NPNT: variants seen among roughly 807,000 people sequenced by gnomAD.
NPNT encodes nephronectin, also known as preosteoblast EGF-like repeat protein with MAM domain.
In NPNT, 45 loss-of-function variants were observed where a neutral mutation model predicts 68.6. The ratio of observed to expected loss-of-function variants is 0.66; its 90% CI spans 0.52 to 0.84. The LOEUF is 0.84. Among genes scored for constraint, NPNT ranks in the 40% least tolerant of loss-of-function variants. The pLI is 0.00. For missense variants in NPNT, 672 were observed against 714.8 expected (o/e 0.94, Z 0.68); for synonymous variants, 233 against 253.3 (o/e 0.92, Z 0.76).
At chr4:105,897,223 A>G (rs1346315262) in intron 1 of NPNT, among the ~76,000 whole-genome samples, 1 of 152,242 alleles carries the variant, frequency 6.6e-6, no homozygotes, top group African/African-American at 2.4e-5. Flanking sequence ...GGCATTATTT[A>G]CATTAGAGAG....
chr4:105,934,404 C>G (rs566717914), intron 3 of NPNT, among the ~76,000 whole-genome samples: 1 of 152,280 alleles, frequency 6.6e-6, no homozygotes, highest in South Asian at 2.1e-4. Flanking sequence ...TCTTTTGAAG[C>G]TCTGTACTTT....
chr4:105,934,337 ACT>A (rs1259258229), intron 3 of NPNT, among the ~76,000 whole-genome samples: 1 of 152,222 alleles, frequency 6.6e-6, no homozygotes, highest in Non-Finnish European at 1.5e-5. Context: ...AAGACAAGAA[ACT>A]CTTAAGAAAA....
intron 10 of NPNT, among the ~76,000 whole-genome samples, chr4:105,966,267 A>G (rs1257582544): frequency 6.6e-6 from 1 of 152,190 alleles, no homozygotes; most frequent in Non-Finnish European, 1.5e-5. Context: ...TCAAGTTTCA[A>G]AATACTACTT....
At chr4:105,923,940 G>A (rs1728471637) in intron 2 of NPNT, among the ~76,000 whole-genome samples, 1 of 151,964 alleles carries the variant, frequency 6.6e-6, no homozygotes, top group African/African-American at 2.4e-5. Context: ...TGTGATCTGT[G>A]TCAGCCTTTC....
At chr4:105,924,944 A>T (rs560954898) in intron 2 of NPNT, among the ~76,000 whole-genome samples, 22 of 152,196 alleles carry the variant, frequency 1.4e-4, no homozygotes, top group African/African-American at 5.3e-4. Context: ...TCAATATGGC[A>T]TTCTGTGTGC....
rs934147437 is a variant in NPNT, at chr4:105,940,067, G to A, written c.506-8G>A. The A allele has an allele frequency of 2.5e-6, 4 of 1,612,408 alleles. No homozygotes were observed. The Admixed American group carries it at 5.0e-5, about 20-fold the overall frequency. ...TCTTCCTAAAATGCTATTGACTTAT[G>A]TTTCTAGATGTTGATGAATGTGCTA... On this transcript the variant is annotated splice_polypyrimidine_tract_variant and splice_region_variant and intron_variant, in intron 5 of 11. Coordinates refer to ENST00000379987, the MANE Select transcript of NPNT (RefSeq NM_001033047.3).
At chr4:105,918,647 C>A (rs1166211870) in intron 2 of NPNT, among the ~76,000 whole-genome samples, 1 of 152,134 alleles carries the variant, frequency 6.6e-6, no homozygotes, top group Non-Finnish European at 1.5e-5. Flanking sequence ...GTTATCAGGA[C>A]ATCTCTGCTT....
At chr4:105,937,562 A>T (rs180693005) in intron 4 of NPNT, among the ~76,000 whole-genome samples, 64 of 151,368 alleles carry the variant, frequency 4.2e-4, no homozygotes, top group Non-Finnish European at 8.0e-4. Context: ...CTTCATTTTT[A>T]TATTTCATTA....
intron 8 of NPNT, among the ~76,000 whole-genome samples, chr4:105,950,791 C>G (rs1730767283): frequency 6.6e-6 from 1 of 152,106 alleles, no homozygotes; most frequent in South Asian, 2.1e-4. Flanking sequence ...CCCTGCAACA[C>G]ATGGTTATTT....
At chr4:105,924,351 A>T (rs11730037) in intron 2 of NPNT, among the ~76,000 whole-genome samples, 1 of 152,334 alleles carries the variant, frequency 6.6e-6, no homozygotes, top group South Asian at 2.1e-4. Flanking sequence ...TGCCAGCAAG[A>T]TAACTTTGTG....
intron 8 of NPNT, among the ~76,000 whole-genome samples, chr4:105,947,849 T>G (rs1455186087): frequency 1.3e-5 from 2 of 151,536 alleles, no homozygotes; most frequent in Non-Finnish European, 2.9e-5. Flanking sequence ...CACGGGGGGG[T>G]TTCTTTTAAC....
intron 2 of NPNT, among the ~76,000 whole-genome samples, chr4:105,900,834 G>GTTTTTTTTTTTTTTTTTTTTTT (rs765343668): frequency 2.4e-4 from 23 of 96,592 alleles, no homozygotes; most frequent in Admixed American, 4.0e-4. Flanking sequence ...ACCCTTGGTT[G>GTTTTTTTTTTTTTTTTTTTTTT]TTTTTTTTTT....
At chr4:105,896,043 C>T in intron 1 of NPNT, 1 of 385,826 alleles carries the variant, frequency 2.6e-6, no homozygotes, top group Non-Finnish European at 4.7e-6. Flanking sequence ...GGTTTAGCCA[C>T]CTACGCCGAG....
At chr4:105,942,792 G>A (rs755833504) in intron 8 of NPNT, 90 bp downstream of exon 8, 64 of 1,260,642 alleles carry the variant, frequency 5.1e-5, no homozygotes, top group African/African-American at 7.5e-5. Context: ...AATGAAACTC[G>A]TAAGAAGAAC....
At chr4:105,898,479 A>G (rs1005850237) in intron 2 of NPNT, among the ~76,000 whole-genome samples, 3 of 152,120 alleles carry the variant, frequency 2.0e-5, no homozygotes, top group Non-Finnish European at 4.4e-5. Flanking sequence ...CCGTATTTAC[A>G]CAAAATAAAC....
intron 2 of NPNT, among the ~76,000 whole-genome samples, chr4:105,916,915 C>T (rs1334746542): frequency 6.6e-6 from 1 of 152,088 alleles, no homozygotes; most frequent in African/African-American, 2.4e-5. Flanking sequence ...AAGATGTAAT[C>T]TTAATAAACA....
At chr4:105,958,636 G>A (rs1283150865) in intron 9 of NPNT, 79 bp downstream of exon 9, 17 of 796,928 alleles carry the variant, frequency 2.1e-5, no homozygotes, top group Admixed American at 9.1e-5. Context: ...AATGTAGATC[G>A]TTTGGACCAT....
At chr4:105,935,360 A>G (rs761538243) in intron 3 of NPNT, among the ~76,000 whole-genome samples, 20 of 152,198 alleles carry the variant, frequency 1.3e-4, no homozygotes, top group Non-Finnish European at 4.4e-5. Context: ...GTGACTCTGC[A>G]GGACCATATT....
At chr4:105,925,650 G>A (rs182250570) in intron 2 of NPNT, among the ~76,000 whole-genome samples, 19 of 152,220 alleles carry the variant, frequency 1.2e-4, no homozygotes, top group African/African-American at 1.9e-4. Context: ...TTCAAAATTC[G>A]GGATCATTGT....
Sources: gnomAD v4.1 joint callset for allele counts (sites outside exome capture counted in the v4.1 genomes callset) on GRCh38, gnomAD v4.1.1 for gene constraint, MANE v1.5 for transcripts, NCBI Gene and HGNC (gene_info 2026-07-23, HGNC 2026-07-21) for gene names.